The following STARD13 variants were observed in gnomAD, a reference collection of about 807,000 sequenced individuals.
The protein encoded by STARD13 is stAR-related lipid transfer protein 13.
Under a neutral mutation model 106.4 loss-of-function variants are expected in STARD13, and 62 were observed. That is an observed-to-expected ratio of 0.58 (90% CI 0.48 to 0.72). STARD13 has a LOEUF of 0.72. Ranked by LOEUF, STARD13 falls within the 30% of genes least tolerant of loss-of-function variation. STARD13 has a pLI of 0.00. For synonymous variants in STARD13, 565 were observed against 553.0 expected (o/e 1.02, Z -0.31); for missense variants, 1,387 against 1,424.0 (o/e 0.97, Z 0.42).
chr13:33,182,672 C>T (rs1885353065), intron 1 of STARD13, among the ~76,000 whole-genome samples: 1 of 152,226 alleles, frequency 6.6e-6, no homozygotes, highest in Non-Finnish European at 1.5e-5. Flanking sequence ...CAAAGCCATC[C>T]TGGGCTGCAT....
the STARD13 span, among the ~76,000 whole-genome samples, chr13:33,450,026 C>T: frequency 1.3e-5 from 2 of 152,048 alleles, no homozygotes; most frequent in African/African-American, 2.4e-5. Flanking sequence ...ATACTATCTG[C>T]GAATAGGGAC....
intron 3 of STARD13, among the ~76,000 whole-genome samples, chr13:33,154,300 G>A (rs138889152): frequency 2.5e-4 from 38 of 152,254 alleles, no homozygotes; most frequent in Non-Finnish European, 5.0e-4. Context: ...ATGTTCTGCC[G>A]AGTGGTCAGG....
intron 1 of STARD13, among the ~76,000 whole-genome samples, chr13:33,187,559 C>CCATT (rs1424362856): frequency 6.6e-6 from 1 of 151,992 alleles, no homozygotes. Flanking sequence ...TTGTCACTAA[C>CCATT]CATTCATTCA....
At chr13:33,649,797 C>A in the STARD13 span, among the ~76,000 whole-genome samples, 1 of 152,066 alleles carries the variant, frequency 6.6e-6, no homozygotes, top group Non-Finnish European at 1.5e-5. Context: ...AGGAAGAAGC[C>A]AGCACATTCC....
the STARD13 span, among the ~76,000 whole-genome samples, chr13:33,380,610 G>T: frequency 2.0e-5 from 3 of 152,002 alleles, no homozygotes; most frequent in South Asian, 2.1e-4. Context: ...TTAGTCAAAG[G>T]GGGAGGCAGG....
At chr13:33,275,586 T>C (rs1301174378) in intron 1 of STARD13, 1 of 152,160 alleles carries the variant, frequency 6.6e-6, no homozygotes, top group Non-Finnish European at 1.5e-5. Flanking sequence ...AATTCACGTG[T>C]ACATGACTCC....
At chr13:33,627,440 C>A in the STARD13 span, among the ~76,000 whole-genome samples, 1 of 152,014 alleles carries the variant, frequency 6.6e-6, no homozygotes, top group East Asian at 1.9e-4. Context: ...AGTTCAAGAC[C>A]AGCCTGGCCA....
chr13:33,491,357 G>A, the STARD13 span, among the ~76,000 whole-genome samples: 3 of 152,192 alleles, frequency 2.0e-5, no homozygotes, highest in African/African-American at 7.2e-5. Context: ...TAAGATCAGA[G>A]CAGTCCCTTA....
the STARD13 span, among the ~76,000 whole-genome samples, chr13:33,548,773 G>A: frequency 3.9e-5 from 6 of 151,960 alleles, no homozygotes; most frequent in African/African-American, 1.5e-4. Context: ...TTACTGCAAT[G>A]CCCTGAATAT....
intron 1 of STARD13, among the ~76,000 whole-genome samples, chr13:33,214,328 A>G (rs576454845): frequency 6.6e-6 from 1 of 152,338 alleles, no homozygotes; most frequent in African/African-American, 2.4e-5. Flanking sequence ...AGGCATACTT[A>G]TCTAAAAAGT....
chr13:33,577,426 C>A, the STARD13 span, among the ~76,000 whole-genome samples: 1 of 152,096 alleles, frequency 6.6e-6, no homozygotes, highest in Non-Finnish European at 1.5e-5. Flanking sequence ...AAGGATCTGC[C>A]TTTTCCTGTA....
At chr13:33,114,008 TG>T (rs920112325) in intron 8 of STARD13, among the ~76,000 whole-genome samples, 2 of 152,080 alleles carry the variant, frequency 1.3e-5, no homozygotes, top group African/African-American at 4.8e-5. Context: ...TCTCAAGGGG[TG>T]GGGAGGTGTG....
At chr13:33,579,861 T>C in the STARD13 span, among the ~76,000 whole-genome samples, 1 of 151,848 alleles carries the variant, frequency 6.6e-6, no homozygotes, top group Non-Finnish European at 1.5e-5. Context: ...GTTAAAACAA[T>C]AATGAAATAC....
In STARD13 at chr13:33,350,577, G is replaced by A. The variant is rs958258727; in HGVS notation, c.-164C>T. 13 of 1,390,944 alleles carry A rather than the reference G, an allele frequency of 9.3e-6. No individual in the cohort carries two copies. The African/African-American group carries it at 1.7e-4, about 18-fold the overall frequency. 86.2% of individuals were successfully genotyped at this position (1,390,944 alleles called of 1,614,324 possible). ...GGTCGGTCCGGCGCTGGGAGGCTGC[G>A]CCACGCGCGAGGACCGGGATGCCTG... On this transcript the variant is annotated 5_prime_UTR_variant, in exon 1 of 2. Coordinates refer to the STARD13 transcript ENST00000439831.
At chr13:33,416,805 T>C in the STARD13 span, among the ~76,000 whole-genome samples, 1 of 152,148 alleles carries the variant, frequency 6.6e-6, no homozygotes, top group Non-Finnish European at 1.5e-5. Context: ...TTCTTAGAGA[T>C]GATCTAAAAA....
the STARD13 span, among the ~76,000 whole-genome samples, chr13:33,414,180 A>C: frequency 1.3e-5 from 2 of 152,226 alleles, no homozygotes; most frequent in African/African-American, 2.4e-5. Context: ...GAAGACACTA[A>C]ATTCTGACTA....
chr13:33,528,231 TATATATATATACATATATATATATAC>T, the STARD13 span, among the ~76,000 whole-genome samples: 260 of 130,698 alleles, frequency 2.0e-3, 17 homozygotes, highest in African/African-American at 8.6e-3. Context: ...TGTGTGTATA[TATATATATATACATATATATATATAC>T]ATATATATAT....
intron 1 of STARD13, among the ~76,000 whole-genome samples, chr13:33,215,217 C>A (rs1489994997): frequency 6.6e-6 from 1 of 151,912 alleles, no homozygotes; most frequent in Admixed American, 6.6e-5. Context: ...CCTTACAAGA[C>A]CTGAGGTTTC....
chr13:33,488,098 T>C, the STARD13 span, among the ~76,000 whole-genome samples: 4 of 152,196 alleles, frequency 2.6e-5, no homozygotes, highest in African/African-American at 9.7e-5. Context: ...CCCCTCTAGT[T>C]CCTCTTCCTC....
Sources: allele counts gnomAD v4.1 joint callset (sites outside exome capture counted in the v4.1 genomes callset), GRCh38; gene constraint gnomAD v4.1.1; transcripts MANE v1.5; gene names NCBI Gene and HGNC (gene_info 2026-07-23, HGNC 2026-07-21).